Variants in PRKCH observed in about 807,000 individuals in gnomAD.
PRKCH encodes protein kinase C eta.
In PRKCH, 28 loss-of-function variants were observed where a neutral mutation model predicts 82.5. That is an observed-to-expected ratio of 0.34 (90% confidence interval 0.25 to 0.47). The LOEUF (loss-of-function observed/expected upper bound fraction) is 0.47, where lower values mean the gene tolerates loss of function less well. Among genes scored for constraint, PRKCH ranks in the 20% least tolerant of loss-of-function variants. The pLI is 1.00. For missense variants in PRKCH, 705 were observed against 881.8 expected (o/e 0.80, Z 2.54); for synonymous variants, 322 against 327.4 (o/e 0.98, Z 0.18).
intron 9 of PRKCH, among the ~76,000 whole-genome samples, chr14:61,459,427 A>G (rs1884930175): frequency 6.6e-6 from 1 of 152,200 alleles, no homozygotes. Flanking sequence ...ACAGAGCATC[A>G]GGTGTGAAGG....
chr14:61,407,171 C>G (rs1459506456), intron 2 of PRKCH, among the ~76,000 whole-genome samples: 1 of 152,190 alleles, frequency 6.6e-6, no homozygotes, highest in Non-Finnish European at 1.5e-5. Context: ...TCATCAGAGA[C>G]TATTCTCATG....
chr14:61,487,611 T>C (rs1036305000), intron 10 of PRKCH, among the ~76,000 whole-genome samples: 1 of 152,124 alleles, frequency 6.6e-6, no homozygotes, highest in African/African-American at 2.4e-5. Context: ...TTTCCACATG[T>C]AGTTTTAAAA....
At chr14:61,191,862 C>T (rs969037583) in intron 1 of PRKCH, among the ~76,000 whole-genome samples, 1 of 152,050 alleles carries the variant, frequency 6.6e-6, no homozygotes, top group Non-Finnish European at 1.5e-5. Context: ...TAAACTTTTT[C>T]CTAAGTTCTT....
At chr14:61,284,744 T>C (rs2045299888) in intron 1 of PRKCH, among the ~76,000 whole-genome samples, 1 of 152,198 alleles carries the variant, frequency 6.6e-6, no homozygotes, top group Non-Finnish European at 1.5e-5. Context: ...AAATTGTTTT[T>C]TGTATCAGTG....
chr14:61,510,687 C>T (rs1887339861), intron 10 of PRKCH, among the ~76,000 whole-genome samples: 1 of 152,002 alleles, frequency 6.6e-6, no homozygotes, highest in African/African-American at 2.4e-5. Context: ...AGCCATCTGT[C>T]TAAGGGAATA....
intron 12 of PRKCH, among the ~76,000 whole-genome samples, chr14:61,539,572 A>G (rs1402906249): frequency 1.3e-5 from 2 of 152,212 alleles, no homozygotes; most frequent in African/African-American, 4.8e-5. Flanking sequence ...CACTTCCTCC[A>G]TCACTGGCTC....
chr14:61,240,940 C>T (rs996834677), intron 1 of PRKCH, among the ~76,000 whole-genome samples: 5 of 88,172 alleles, frequency 5.7e-5, no homozygotes, highest in Non-Finnish European at 9.0e-5. Flanking sequence ...ACCAAGCAAG[C>T]GTCAATTCTA....
At chr14:61,381,504 G>A (rs1459479913) in intron 1 of PRKCH, among the ~76,000 whole-genome samples, 2 of 152,190 alleles carry the variant, frequency 1.3e-5, no homozygotes, top group Non-Finnish European at 2.9e-5. Context: ...TTTGCCTATT[G>A]CAACTTCTTT....
chr14:61,412,947 C>T (rs1391951820), intron 2 of PRKCH, among the ~76,000 whole-genome samples: 1 of 152,090 alleles, frequency 6.6e-6, no homozygotes, highest in Admixed American at 6.6e-5. Context: ...CCTCTCTGGC[C>T]TCTTAACACA....
intron 8 of PRKCH, 34 bp from the exon 9 acceptor site, chr14:61,457,472 C>T (rs1884828008): frequency 6.2e-7 from 1 of 1,606,812 alleles, no homozygotes; most frequent in African/African-American, 1.3e-5. Flanking sequence ...CCCAAGAGGA[C>T]TCCCTCATGC....
chr14:61,519,276 TGAA>T (rs1485040659), intron 10 of PRKCH, among the ~76,000 whole-genome samples: 3 of 6,176 alleles, frequency 4.9e-4, no homozygotes. Flanking sequence ...AATGAGATTA[TGAA>T]TGAATGAATG....
intron 1 of PRKCH, among the ~76,000 whole-genome samples, chr14:61,390,388 C>G (rs2046658434): frequency 6.6e-6 from 1 of 152,164 alleles, no homozygotes; most frequent in African/African-American, 2.4e-5. Context: ...TTAAGAGTAG[C>G]AGTCCGACAC....
At chr14:61,504,175 G>T (rs1178155221) in intron 10 of PRKCH, among the ~76,000 whole-genome samples, 2 of 128,608 alleles carry the variant, frequency 1.6e-5, no homozygotes, top group Non-Finnish European at 3.3e-5. Context: ...TTTACTCTCA[G>T]AGGCCCATTT....
At position 61,524,436 on chromosome 14, in the gene PRKCH, G is replaced by C. The variant is rs570191187; in HGVS notation, c.1434-4639G>C. 5.3e-5 allele frequency among the ~76,000 whole-genome samples: 8 copies of C among 152,336 alleles called. No homozygotes were observed. The South Asian group carries it at 1.7e-3, about 32-fold the overall frequency. On this transcript the variant is annotated intron_variant, in intron 10 of 13. Coordinates refer to ENST00000332981, the MANE Select transcript of PRKCH (RefSeq NM_006255.5). ...CAATGAGCTAATGAATGGCAAGCCGGTAACTGTGGTTTTGGCATTTTAGTA... is the reference window on the plus strand; with the variant it reads ...CAATGAGCTAATGAATGGCAAGCCGCTAACTGTGGTTTTGGCATTTTAGTA...
rs115210082 is a variant in PRKCH at position 61,238,613 on chromosome 14, G to A, written c.-19+50945G>A. Among the ~76,000 whole-genome samples the A allele has an allele frequency of 2.2e-3, 335 of 152,116 alleles. 1 individual carries two copies. The highest frequency in any genetic ancestry group is 7.9e-3 in the African/African-American group (329 of 41,482). On this transcript the variant is annotated intron_variant, in intron 1 of 3. Transcript: ENST00000555185. Reference sequence around the variant, plus strand: ...GTAACCATATAAAGATTTCCACCTTGCTCAGACAAATCCCCTGACTCTCCT... The same window carrying A: ...GTAACCATATAAAGATTTCCACCTTACTCAGACAAATCCCCTGACTCTCCT...
chr14:61,219,950 C>A (rs1416272547), intron 1 of PRKCH, among the ~76,000 whole-genome samples: 7 of 152,118 alleles, frequency 4.6e-5, no homozygotes, highest in African/African-American at 1.4e-4. Flanking sequence ...GACTAGAGAA[C>A]CTGCAACCTG....
intron 1 of PRKCH, among the ~76,000 whole-genome samples, chr14:61,273,891 T>C (rs945700180): frequency 2.6e-5 from 4 of 152,194 alleles, no homozygotes; most frequent in Non-Finnish European, 5.9e-5. Context: ...GGTTTCCTAG[T>C]TGTCATTCAG....
intron 2 of PRKCH, among the ~76,000 whole-genome samples, chr14:61,406,971 C>A (rs1881985766): frequency 6.6e-6 from 1 of 151,736 alleles, no homozygotes; most frequent in Admixed American, 6.6e-5. Context: ...AATTTCATGA[C>A]TTCCCGCATC....
chr14:61,296,361 C>G (rs576351047), intron 1 of PRKCH, among the ~76,000 whole-genome samples: 1 of 152,174 alleles, frequency 6.6e-6, no homozygotes, highest in Non-Finnish European at 1.5e-5. Context: ...ATACACACCC[C>G]TGCTCCTCCC....
Sources: gnomAD v4.1 joint callset for allele counts (sites outside exome capture counted in the v4.1 genomes callset) on GRCh38, gnomAD v4.1.1 for gene constraint, MANE v1.5 for transcripts, NCBI Gene and HGNC (gene_info 2026-07-23, HGNC 2026-07-21) for gene names.